The following CTNNA3 variants were observed in gnomAD, a reference collection of about 807,000 sequenced individuals.
CTNNA3 encodes the protein catenin alpha-3.
In CTNNA3, 76 loss-of-function variants were observed where a neutral mutation model predicts 95.7. The observed-to-expected ratio is 0.79, with a 90% CI of 0.66 to 0.96. CTNNA3 has a LOEUF of 0.96. Ranked by LOEUF, CTNNA3 falls within the 40% of genes least tolerant of loss-of-function variation. The probability of loss-of-function intolerance (pLI) is 0.00; values close to 1 mark genes in which losing one functional copy is unlikely to be tolerated. For missense variants in CTNNA3, 1,191 were observed against 1,089.8 expected, an observed-to-expected ratio of 1.09 and a Z score of -1.31; for synonymous variants, 431 against 374.4, an observed-to-expected ratio of 1.15 and a Z score of -1.74.
intron 7 of CTNNA3, among the ~76,000 whole-genome samples, chr10:67,131,312 A>G (rs1859990758): frequency 6.6e-6 from 1 of 152,068 alleles, no homozygotes. Context: ...ATATGCCTCT[A>G]TTTCACTTGT....
At chr10:67,738,582 G>T (rs541793513) in intron 1 of CTNNA3, among the ~76,000 whole-genome samples, 1 of 152,050 alleles carries the variant, frequency 6.6e-6, no homozygotes, top group African/African-American at 2.4e-5. Context: ...GAACAAAGCT[G>T]GGGGGAGAAT....
intron 7 of CTNNA3, among the ~76,000 whole-genome samples, chr10:66,894,419 T>C (rs1335611060): frequency 6.6e-6 from 1 of 152,078 alleles, no homozygotes; most frequent in Non-Finnish European, 1.5e-5. Flanking sequence ...CTTCCCTCTC[T>C]CTTCCTTTCT....
intron 9 of CTNNA3, among the ~76,000 whole-genome samples, chr10:66,745,736 C>T (rs962644289): frequency 6.0e-5 from 9 of 149,822 alleles, no homozygotes; most frequent in Admixed American, 2.0e-4. Flanking sequence ...ACTACAGGCG[C>T]ACATCACCAC....
chr10:67,149,128 C>T (rs1208466316), intron 7 of CTNNA3, among the ~76,000 whole-genome samples: 1 of 152,068 alleles, frequency 6.6e-6, no homozygotes, highest in Non-Finnish European at 1.5e-5. Context: ...ATCCAATATT[C>T]CCAGTTTACT....
intron 5 of CTNNA3, among the ~76,000 whole-genome samples, chr10:67,423,204 C>T (rs1295713503): frequency 6.6e-6 from 1 of 152,100 alleles, no homozygotes; most frequent in Admixed American, 6.6e-5. Flanking sequence ...CTCCCCAACC[C>T]CCAGTTAGCA....
intron 15 of CTNNA3, among the ~76,000 whole-genome samples, chr10:66,001,252 T>G (rs1173752505): frequency 6.6e-6 from 1 of 152,126 alleles, no homozygotes; most frequent in Non-Finnish European, 1.5e-5. Flanking sequence ...CTGTCTCTTA[T>G]TCCCATTACC....
At chr10:66,443,157 G>A (rs976092574) in intron 11 of CTNNA3, among the ~76,000 whole-genome samples, 7 of 152,158 alleles carry the variant, frequency 4.6e-5, no homozygotes, top group African/African-American at 1.4e-4. Context: ...AAAGCAGCGG[G>A]GAAGCTCGAA....
intron 5 of CTNNA3, among the ~76,000 whole-genome samples, chr10:67,433,478 G>A (rs536614097): frequency 6.6e-6 from 1 of 152,074 alleles, no homozygotes; most frequent in South Asian, 2.1e-4. Context: ...TGGGAAAATG[G>A]AGCTGATACA....
At chr10:66,748,891 G>C (rs1334371664) in intron 9 of CTNNA3, among the ~76,000 whole-genome samples, 4 of 151,880 alleles carry the variant, frequency 2.6e-5, no homozygotes, top group Non-Finnish European at 4.4e-5. Context: ...TTTTCTCCTA[G>C]GTTGGGCACG....
chr10:67,364,712 A>G (rs573590980), intron 5 of CTNNA3, among the ~76,000 whole-genome samples: 1 of 152,312 alleles, frequency 6.6e-6, no homozygotes, highest in Admixed American at 6.5e-5. Flanking sequence ...CCACTGCCCA[A>G]CAAAATAAAA....
At chr10:67,342,025 G>A (rs1362490985) in intron 5 of CTNNA3, among the ~76,000 whole-genome samples, 2 of 141,484 alleles carry the variant, frequency 1.4e-5, no homozygotes, top group Non-Finnish European at 3.0e-5. Context: ...ATTCTACATA[G>A]CTATTCCAGT....
rs531968680 is a variant in CTNNA3, at chr10:66,498,810, C to T, written c.1531+21807G>A. Among the ~76,000 whole-genome samples, 8 of 152,258 alleles carry T rather than the reference C, an allele frequency of 5.3e-5. No homozygotes were observed. In the South Asian group the frequency reaches 1.7e-3, roughly 32 times the overall value. Reference sequence around the variant, plus strand: ...GTTGCATAGTTGTGCTTAATTTTTGCAGTCTAACTAGAATAGTTATGCTAC... The same window carrying T: ...GTTGCATAGTTGTGCTTAATTTTTGTAGTCTAACTAGAATAGTTATGCTAC... On this transcript the variant is annotated intron_variant, in intron 11 of 17. Transcript: ENST00000433211.
chr10:67,438,763 C>T (rs1018313484), intron 5 of CTNNA3, among the ~76,000 whole-genome samples: 6 of 152,166 alleles, frequency 3.9e-5, no homozygotes, highest in Non-Finnish European at 8.8e-5. Context: ...GTGGCTGGGG[C>T]ACTTGCTGCC....
intron 13 of CTNNA3, among the ~76,000 whole-genome samples, chr10:66,210,701 GAT>G (rs1469316481): frequency 6.6e-6 from 1 of 152,102 alleles, no homozygotes; most frequent in Non-Finnish European, 1.5e-5. Flanking sequence ...ATGTAAGAAA[GAT>G]ATCAGTGTAT....
intron 5 of CTNNA3, among the ~76,000 whole-genome samples, chr10:67,251,151 T>C (rs1343045997): frequency 6.6e-6 from 1 of 152,046 alleles, no homozygotes; most frequent in Non-Finnish European, 1.5e-5. Flanking sequence ...TATTTGTCAA[T>C]GAAAGGGGAT....
chr10:67,708,249 G>A (rs1841088818), intron 1 of CTNNA3, among the ~76,000 whole-genome samples: 1 of 152,114 alleles, frequency 6.6e-6, no homozygotes, highest in Non-Finnish European at 1.5e-5. Flanking sequence ...AGTAATTACA[G>A]TCAATCATGT....
At chr10:66,981,339 C>G (rs979162482) in intron 7 of CTNNA3, among the ~76,000 whole-genome samples, 1 of 152,162 alleles carries the variant, frequency 6.6e-6, no homozygotes, top group Admixed American at 6.6e-5. Context: ...TCTGATTAGA[C>G]CTCCTGCTTT....
At chr10:67,367,452 C>T (rs1425540989) in intron 5 of CTNNA3, among the ~76,000 whole-genome samples, 1 of 151,986 alleles carries the variant, frequency 6.6e-6, no homozygotes, top group African/African-American at 2.4e-5. Context: ...AAGTAAATGC[C>T]TATAAACTGT....
chr10:66,767,253 C>T (rs1349481542), intron 8 of CTNNA3, among the ~76,000 whole-genome samples: 1 of 151,958 alleles, frequency 6.6e-6, no homozygotes, highest in Non-Finnish European at 1.5e-5. Context: ...CGAGAACAGC[C>T]TGGCCAACAT....
Sources: gnomAD v4.1 joint callset for allele counts (sites outside exome capture counted in the v4.1 genomes callset) on GRCh38, gnomAD v4.1.1 for gene constraint, MANE v1.5 for transcripts, NCBI Gene and HGNC (gene_info 2026-07-23, HGNC 2026-07-21) for gene names.